Variants in ASTN2 observed in about 807,000 individuals in gnomAD.
ASTN2 encodes astrotactin-2.
Under a neutral mutation model 139.8 loss-of-function variants are expected in ASTN2, and 54 were observed. The ratio of observed to expected loss-of-function variants is 0.39; its 90% CI spans 0.31 to 0.48. The LOEUF is 0.48. Among genes scored for constraint, ASTN2 ranks in the 20% least tolerant of loss-of-function variants. The probability of loss-of-function intolerance (pLI) is 0.95; values close to 1 mark genes in which losing one functional copy is unlikely to be tolerated. For missense variants in ASTN2, 1,565 were observed against 1,725.1 expected (o/e 0.91, Z 1.64); for synonymous variants, 756 against 719.5 (o/e 1.05, Z -0.81).
chr9:117,379,362 T>C (rs1830206174), intron 1 of ASTN2, among the ~76,000 whole-genome samples: 1 of 152,086 alleles, frequency 6.6e-6, no homozygotes, highest in African/African-American at 2.4e-5. Flanking sequence ...GTTACTAAAC[T>C]ACCACCCACT....
chr9:117,259,723 T>C (rs1370385701), intron 2 of ASTN2, among the ~76,000 whole-genome samples: 8 of 152,200 alleles, frequency 5.3e-5, no homozygotes, highest in African/African-American at 1.9e-4. Context: ...CTTACATGTA[T>C]TGATTGATGT....
At chr9:116,441,193 T>G (rs1847829593) in intron 21 of ASTN2, among the ~76,000 whole-genome samples, 1 of 152,132 alleles carries the variant, frequency 6.6e-6, no homozygotes, top group Non-Finnish European at 1.5e-5. Context: ...TTTGTTGTAT[T>G]TCCAACACAT....
At chr9:116,660,963 C>T (rs1313372162) in intron 16 of ASTN2, among the ~76,000 whole-genome samples, 1 of 152,086 alleles carries the variant, frequency 6.6e-6, no homozygotes, top group Admixed American at 6.5e-5. Flanking sequence ...GGGATTGTTG[C>T]CCCCTTTTAC....
At chr9:116,810,597 G>A (rs1465918) in intron 12 of ASTN2, among the ~76,000 whole-genome samples, 1 of 152,120 alleles carries the variant, frequency 6.6e-6, no homozygotes, top group African/African-American at 2.4e-5. Flanking sequence ...CTGATTTTTC[G>A]AAGTTGATGT....
chr9:116,498,699 T>C (rs1437653814), intron 19 of ASTN2, among the ~76,000 whole-genome samples: 1 of 152,104 alleles, frequency 6.6e-6, no homozygotes, highest in Non-Finnish European at 1.5e-5. Flanking sequence ...ATGATGTATA[T>C]GTCAGTAGAT....
intron 16 of ASTN2, among the ~76,000 whole-genome samples, chr9:116,709,236 C>CAGCCTATTT (rs1828075878): frequency 6.6e-6 from 1 of 152,194 alleles, no homozygotes; most frequent in Non-Finnish European, 1.5e-5. Context: ...AAGTCTCCCA[C>CAGCCTATTT]CACCACCCTC....
intron 4 of ASTN2, among the ~76,000 whole-genome samples, chr9:117,116,504 T>C (rs1456968255): frequency 6.6e-6 from 1 of 151,856 alleles, no homozygotes; most frequent in African/African-American, 2.4e-5. Context: ...CAGATTCAAC[T>C]GCTAACTTGA....
intron 20 of ASTN2, among the ~76,000 whole-genome samples, chr9:116,469,195 T>C (rs1029963824): frequency 3.9e-5 from 6 of 152,262 alleles, no homozygotes; most frequent in East Asian, 1.9e-4. Context: ...TAAATGTTAA[T>C]AGGGAGGGTG....
At position 116,919,808 on chromosome 9, in the gene ASTN2, A is replaced by T. The variant is rs1203671393; in HGVS notation, c.1889+55400T>A. 5.3e-5 allele frequency among the ~76,000 whole-genome samples: 8 copies of T among 151,706 alleles called. No homozygotes were observed. The East Asian group carries it at 1.2e-3, about 22-fold the overall frequency. On this transcript the variant is annotated intron_variant, in intron 10 of 22. Coordinates refer to ENST00000313400, the MANE Select transcript of ASTN2 (RefSeq NM_001365068.1). Reference sequence around the variant, plus strand: ...AAAATACAAAAATTAGCCAAGCTTGATGGTGGTCTATAGTCCCATCCTCTT... The same window carrying T: ...AAAATACAAAAATTAGCCAAGCTTGTTGGTGGTCTATAGTCCCATCCTCTT...
chr9:116,819,779 GA>G (rs1384030013), intron 12 of ASTN2, among the ~76,000 whole-genome samples: 30 of 152,162 alleles, frequency 2.0e-4, no homozygotes, highest in Non-Finnish European at 2.9e-4. Flanking sequence ...ATGAAGAGAA[GA>G]AAAAAGTCTG....
intron 13 of ASTN2, among the ~76,000 whole-genome samples, chr9:116,795,903 A>T (rs146566396): frequency 2.0e-5 from 3 of 152,192 alleles, no homozygotes; most frequent in Non-Finnish European, 2.9e-5. Flanking sequence ...GAGATTACTG[A>T]AGTTAAGAAA....
At chr9:116,482,252 G>C (rs1849193027) in intron 20 of ASTN2, among the ~76,000 whole-genome samples, 2 of 152,076 alleles carry the variant, frequency 1.3e-5, no homozygotes, top group Non-Finnish European at 2.9e-5. Flanking sequence ...CGTGAACCCG[G>C]GAGGTGGAGC....
chr9:117,371,781 T>C (rs534969685), intron 1 of ASTN2, among the ~76,000 whole-genome samples: 12 of 152,236 alleles, frequency 7.9e-5, no homozygotes, highest in African/African-American at 2.9e-4. Flanking sequence ...TTTAGGATGC[T>C]AAATTAAGGA....
rs1459876507 is a variant in ASTN2 at position 116,431,496 on chromosome 9, A to C, written c.3783-5408T>G. 3.9e-5 allele frequency among the ~76,000 whole-genome samples: 6 copies of C among 152,268 alleles called. No individual in the cohort carries two copies. In the East Asian group the frequency reaches 1.2e-3, roughly 29 times the overall value. ...GAGAACCCCCGACACTTCTGGTAAG[A>C]GGGACACATGTAAATTGCAGCCAGA... On this transcript the variant is annotated intron_variant, in intron 22 of 22. Transcript: ENST00000313400.
Position 117,115,201 on chromosome 9 carries a change from A to T in ASTN2, c.1169-19050T>A, listed in dbSNP as rs571890194. Among the ~76,000 whole-genome samples the T allele has an allele frequency of 2.0e-5, 3 of 152,302 alleles. No homozygotes were observed. The East Asian group carries it at 5.8e-4, about 29-fold the overall frequency. ...TTGAGCTCTCTAAACTCTAAGTCTC[A>T]CATCTCTAAAATGGGAATATATCTA... On this transcript the variant is annotated intron_variant, in intron 4 of 22. Transcript: ENST00000313400.
At chr9:117,084,582 T>A (rs969430083) in intron 5 of ASTN2, among the ~76,000 whole-genome samples, 2 of 152,254 alleles carry the variant, frequency 1.3e-5, no homozygotes, top group Non-Finnish European at 2.9e-5. Context: ...AGGACAACAA[T>A]TGATTGCTAG....
intron 16 of ASTN2, among the ~76,000 whole-genome samples, chr9:116,658,041 T>C (rs576648075): frequency 3.9e-5 from 6 of 152,064 alleles, no homozygotes; most frequent in Non-Finnish European, 7.4e-5. Flanking sequence ...CATGCCACCA[T>C]GCCTGGCTAA....
At chr9:117,071,832 G>T (rs994208555) in intron 5 of ASTN2, among the ~76,000 whole-genome samples, 1 of 151,986 alleles carries the variant, frequency 6.6e-6, no homozygotes, top group African/African-American at 2.4e-5. Flanking sequence ...GACCCCTTGC[G>T]CTTCCCAGGT....
intron 13 of ASTN2, among the ~76,000 whole-genome samples, chr9:116,767,657 C>G (rs1275839940): frequency 6.6e-6 from 1 of 152,138 alleles, no homozygotes; most frequent in Non-Finnish European, 1.5e-5. Context: ...CTTTTGGTGA[C>G]TTCTGTCCTC....
Sources: gnomAD v4.1 joint callset for allele counts (sites outside exome capture counted in the v4.1 genomes callset) on GRCh38, gnomAD v4.1.1 for gene constraint, MANE v1.5 for transcripts, NCBI Gene and HGNC (gene_info 2026-07-23, HGNC 2026-07-21) for gene names.